Variants in URGCP observed in about 807,000 individuals in gnomAD.
URGCP encodes upregulator of cell proliferation, also known as up-regulator of cell proliferation.
URGCP carries 13 observed loss-of-function variants against 24.6 expected under a neutral mutation model. That is an observed-to-expected ratio of 0.53 (90% CI 0.34 to 0.84). The LOEUF (loss-of-function observed/expected upper bound fraction) is 0.84. Among genes scored for constraint, URGCP ranks in the 40% least tolerant of loss-of-function variants. The pLI is 0.01. For missense variants in URGCP, 899 were observed against 1,194.3 expected, an observed-to-expected ratio of 0.75 and a Z score of 3.64; for synonymous variants, 444 against 487.2, an observed-to-expected ratio of 0.91 and a Z score of 1.17.
intron 3 of URGCP, among the ~76,000 whole-genome samples, chr7:43,882,829 C>A (rs1438512181): frequency 6.6e-6 from 1 of 152,094 alleles, no homozygotes; most frequent in African/African-American, 2.4e-5. Flanking sequence ...ACATGAATAA[C>A]CATAAAACTT....
chr7:43,881,389 ACATGCT>A, intron 5 of URGCP: 1 of 613,490 alleles, frequency 1.6e-6, no homozygotes, highest in Non-Finnish European at 2.9e-6. Flanking sequence ...TCACCTCCAA[ACATGCT>A]AACTTATTAA....
chr7:43,918,833 C>A, intron 1 of URGCP: 2 of 1,318,598 alleles, frequency 1.5e-6, no homozygotes, highest in Non-Finnish European at 2.2e-6. Flanking sequence ...AGGGCACTGA[C>A]CACAAGGACA....
Position 43,876,004 on chromosome 7 carries a change from TCA to T in URGCP, c.*661_*662del, listed in dbSNP as rs1458134381. On this transcript the variant is annotated 3_prime_UTR_variant, in exon 6 of 6. Coordinates refer to ENST00000453200, the MANE Select transcript of URGCP (RefSeq NM_001077663.3). ...TGTACAGTCCCTGCCCTCAAGGAGC[TCA>T]CAGTCTGGGGGGACAGACATGTAAA... 1.9e-5 allele frequency: 3 copies of T among 153,876 alleles called. No individual in the cohort carries two copies. Among genetic ancestry groups the T allele is most frequent in the Non-Finnish European group, 4.3e-5 (3 of 69,398 alleles). The allele number at this position is 153,876 out of a possible 1,614,324, so 9.5% of individuals were successfully genotyped here. A position where few individuals can be genotyped will look rare whatever the true frequency, so the allele number is the denominator to read the frequency against.
chr7:43,897,199 T>C (rs533410064), intron 1 of URGCP, among the ~76,000 whole-genome samples: 1 of 151,254 alleles, frequency 6.6e-6, no homozygotes, highest in East Asian at 1.9e-4. Context: ...TGAGACTCTG[T>C]CTCAAAATAA....
chr7:43,894,063 A>G (rs2528391), intron 1 of URGCP, among the ~76,000 whole-genome samples: 51,763 of 152,084 alleles, frequency 0.34, 9,112 homozygotes, highest in South Asian at 0.58. Context: ...ATATGCATCT[A>G]ATACTGTAGC....
chr7:43,877,054 A>G lies in URGCP; in HGVS notation c.2409T>C (p.Phe803=), dbSNP rs1245921839. ...TGTGCCCCGTTTTTTCTAACCTCAGAAATGCATGCAGAATAGCTGCTGGAA... is the reference window on the plus strand; with the variant it reads ...TGTGCCCCGTTTTTTCTAACCTCAGGAATGCATGCAGAATAGCTGCTGGAA... ...KDIPAAILHA[F]LRLEKTGHMP... Residue 803 remains phenylalanine (F), a synonymous_variant, in exon 6 of 6, where the codon TTT becomes TTC. Coordinates refer to ENST00000453200, the MANE Select transcript of URGCP (RefSeq NM_001077663.3). 1.2e-6 allele frequency: 2 copies of G among 1,614,244 alleles called. No homozygotes were observed. Among genetic ancestry groups the G allele is most frequent in the Middle Eastern group, 1.6e-4 (1 of 6,062 alleles).
Position 43,878,904 on chromosome 7 carries a change from G to A in URGCP, c.559C>T (p.Leu187Phe). The A allele has an allele frequency of 6.2e-7, 1 of 1,614,258 alleles. No individual in the cohort carries two copies. The highest frequency in any genetic ancestry group is 8.5e-7 in the Non-Finnish European group (1 of 1,180,042). Residue 187 changes from leucine to phenylalanine, a missense_variant, in exon 6 of 6, where the codon CTC (leucine) becomes TTC (phenylalanine). Transcript: ENST00000453200. This position sits in a 1 kb window ranked among gnomAD's most constrained non-coding sequence, Gnocchi z 5.6. ...TCTGAGGAGAGCAGCAGGGCACAGAGAAGGTCTAAGGGGTTCACTGGCGTA... is the reference window on the plus strand; with the variant it reads ...TCTGAGGAGAGCAGCAGGGCACAGAAAAGGTCTAAGGGGTTCACTGGCGTA... ...PDTPVNPLDL[L>F]CALLLSSDSF...
chr7:43,897,584 GA>G (rs1398994016), intron 1 of URGCP, among the ~76,000 whole-genome samples: 2 of 151,454 alleles, frequency 1.3e-5, no homozygotes, highest in Non-Finnish European at 2.9e-5. Flanking sequence ...AAGAGGAAGA[GA>G]AAAAAAATAA....
In URGCP at chr7:43,906,589, T is replaced by A; in HGVS notation, c.-14A>T. The A allele has an allele frequency of 8.1e-7, 1 of 1,231,260 alleles. No individual in the cohort carries two copies. Among genetic ancestry groups the A allele is most frequent in the Non-Finnish European group, 1.0e-6 (1 of 979,156 alleles). The allele number at this position is 1,231,260 out of a possible 1,614,324, so 76.3% of individuals were successfully genotyped here. On this transcript the variant is annotated 5_prime_UTR_variant, in exon 1 of 6. Coordinates refer to ENST00000453200, the MANE Select transcript of URGCP (RefSeq NM_001077663.3). ...GGGCGACGCCATGAGCGCAGCGAGG[T>A]CTCCGCTCCCGCCTCCTTCGCTTCC...
intron 1 of URGCP, among the ~76,000 whole-genome samples, chr7:43,916,182 A>T (rs955204399): frequency 4.6e-5 from 7 of 152,262 alleles, no homozygotes; most frequent in African/African-American, 1.7e-4. Context: ...TTGGTGCAAA[A>T]GTAGTTGCAG....
Position 43,877,988 on chromosome 7 carries a change from T to C in URGCP, c.1475A>G (p.Asp492Gly). 5.6e-6 allele frequency: 9 copies of C among 1,614,224 alleles called. No homozygotes were observed. The highest frequency in any genetic ancestry group is 6.8e-6 in the Non-Finnish European group (8 of 1,180,038). Reference protein sequence around the residue: ...KIKDSDAYRRDELRLQGDPWR... With the variant: ...KIKDSDAYRRGELRLQGDPWR... ...GGGGTCCCCCTGCAGCCTCAGCTCG[T>C]CCCTTCTGTAGGCATCCGAGTCTTT... The change falls in exon 6 of 6, where the codon GAC becomes GGC. Residue 492 changes from aspartate (D) to glycine (G), a missense_variant. Coordinates refer to ENST00000453200, the MANE Select transcript of URGCP (RefSeq NM_001077663.3).
intron 5 of URGCP, among the ~76,000 whole-genome samples, 177 bp downstream of exon 5, chr7:43,881,474 GTTTTTTTT>G (rs751531869): frequency 7.9e-6 from 1 of 127,324 alleles, no homozygotes; most frequent in Non-Finnish European, 1.7e-5. Flanking sequence ...GCTTCCCAGG[GTTTTTTTT>G]TTTTTTTTTT....
Position 43,881,916 on chromosome 7 carries a change from G to A in URGCP, c.154C>T (p.Arg52Cys), listed in dbSNP as rs1750742923. ...ATCCTGTAGTTTCTACCTCCATAAC[G>A]GAACTCGCAATCATCTCCTTCCATT... ...REMEGDDCEF[R>C]YGDGTNEAQD... is the part of the protein sequence containing the mutation. Residue 52 changes from arginine (R) to cysteine (C), a missense_variant, in exon 4 of 6, where the codon CGT becomes TGT. Transcript: ENST00000453200. The A allele has an allele frequency of 4.3e-6, 7 of 1,613,958 alleles. No homozygotes were observed. Among genetic ancestry groups the A allele is most frequent in the Non-Finnish European group, 5.1e-6 (6 of 1,179,944 alleles).
intron 5 of URGCP, among the ~76,000 whole-genome samples, 185 bp downstream of exon 5, chr7:43,881,474 G>GTTTTT (rs751531869): frequency 1.6e-5 from 2 of 127,322 alleles, no homozygotes; most frequent in South Asian, 2.6e-4. Context: ...GCTTCCCAGG[G>GTTTTT]TTTTTTTTTT....
Position 43,878,667 on chromosome 7 carries a change from C to G in URGCP, c.796G>C (p.Val266Leu). Residue 266 changes from valine (V) to leucine (L), a missense_variant, in exon 6 of 6, where the codon GTG becomes CTG. Physicochemically the swap from Val to Leu is conservative, Grantham distance 32. Coordinates refer to ENST00000453200, the MANE Select transcript of URGCP (RefSeq NM_001077663.3). The surrounding 1 kb of genome is among the most constrained non-coding windows in gnomAD (Gnocchi z 5.6). ...VLSRAPAFAF[V>L]RMDVSSNSKS... ...GAGTTGCTACTGACGTCCATGCGCA[C>G]GAAGGCGAAGGCGGGCGCCCTGGAC... The G allele has an allele frequency of 1.2e-6, 2 of 1,613,470 alleles. No individual in the cohort carries two copies. Among genetic ancestry groups the G allele is most frequent in the South Asian group, 1.1e-5 (1 of 91,090 alleles).
At chr7:43,893,001 C>T (rs2132681756) in intron 1 of URGCP, among the ~76,000 whole-genome samples, 1 of 151,904 alleles carries the variant, frequency 6.6e-6, no homozygotes, top group East Asian at 1.9e-4. Flanking sequence ...CCAGCCTGGG[C>T]AAGTGAACGA....
At chr7:43,919,402 T>C in intron 1 of URGCP, 1 of 872,396 alleles carries the variant, frequency 1.1e-6, no homozygotes, top group Non-Finnish European at 2.0e-6. Context: ...GTGTCCACCA[T>C]CATCTCGGCC....
In URGCP at chr7:43,877,435, T is replaced by C. The variant is rs560369573; in HGVS notation, c.2028A>G (p.Thr676=). 5 of 1,613,604 alleles carry C rather than the reference T, an allele frequency of 3.1e-6. No individual in the cohort carries two copies. In the South Asian group the frequency reaches 4.4e-5, roughly 14 times the overall value. The change falls in exon 6 of 6, where the codon ACA becomes ACG. Residue 676 remains threonine, a synonymous_variant. Transcript: ENST00000453200. ...GGACGTGCAGCTCCTTCAGGAGCCCTGTGACCCAGCGGACGGGCATGCTCA... is the reference window on the plus strand; with the variant it reads ...GGACGTGCAGCTCCTTCAGGAGCCCCGTGACCCAGCGGACGGGCATGCTCA... The part of the protein sequence containing the change: ...STLSMPVRWV[T]GLLKELHVRL...
At chr7:43,900,714 G>A (rs2132702242) in intron 1 of URGCP, among the ~76,000 whole-genome samples, 1 of 152,184 alleles carries the variant, frequency 6.6e-6, no homozygotes, top group Admixed American at 6.5e-5. Context: ...GGCTCCCAAA[G>A]TGCTGGGATT....
Sources: gnomAD v4.1 joint callset for allele counts (sites outside exome capture counted in the v4.1 genomes callset) on GRCh38, gnomAD v4.1.1 for gene constraint, Gnocchi (gnomAD v3.1) non-coding constraint, MANE v1.5 for transcripts, NCBI Gene and HGNC (gene_info 2026-07-23, HGNC 2026-07-21) for gene names.